The following CPA3 variants were observed in gnomAD, a reference collection of about 807,000 sequenced individuals.
CPA3 encodes the protein carboxypeptidase A3, also known as mast cell carboxypeptidase A.
A neutral mutation model predicts 55.8 loss-of-function variants in CPA3; 52 were observed. The ratio of observed to expected loss-of-function variants is 0.93; its 90% CI spans 0.75 to 1.17. The LOEUF is 1.17. Ranked by LOEUF, CPA3 falls within the 50% of genes most tolerant of loss-of-function variation. The probability of loss-of-function intolerance (pLI) is 0.00; values close to 1 mark genes in which losing one functional copy is unlikely to be tolerated. For synonymous variants in CPA3, 179 were observed against 171.2 expected (o/e 1.05, Z -0.36); for missense variants, 547 against 509.1 (o/e 1.07, Z -0.72).
chr3:148,874,628 C>G (rs74371725), intron 3 of CPA3, among the ~76,000 whole-genome samples: 2 of 152,120 alleles, frequency 1.3e-5, no homozygotes, highest in African/African-American at 4.8e-5. Flanking sequence ...CTTGTCAGTG[C>G]TGCTAATAGG....
chr3:148,868,816 C>G, intron 2 of CPA3, 99 bp from the exon 3 acceptor site: 2 of 1,371,348 alleles, frequency 1.5e-6, no homozygotes, highest in Non-Finnish European at 2.0e-6. Context: ...ATGCTGAGCC[C>G]CAAATTCCTT....
At chr3:148,875,824 T>C (rs73160789) in intron 3 of CPA3, among the ~76,000 whole-genome samples, 4,587 of 152,280 alleles carry the variant, frequency 0.03, 85 homozygotes, top group Middle Eastern at 0.051. Context: ...AATTTGATCA[T>C]ATAAATTGAT....
chr3:148,868,962 G>C lies in CPA3; in HGVS notation c.192G>C (p.Met64Ile), dbSNP rs1353232433. Reference sequence around the variant, plus strand: ...CCACCCACCACGTAGCTGCTAATATGATGGTGGATTTCCGAGTTAGTGAGA... The same window carrying C: ...CCACCCACCACGTAGCTGCTAATATCATGGTGGATTTCCGAGTTAGTGAGA... ...PGATHHVAANMMVDFRVSEKE... is the reference protein window; with the variant it reads ...PGATHHVAANIMVDFRVSEKE... The change falls in exon 3 of 11, where the codon ATG (methionine) becomes ATC (isoleucine). Residue 64 changes from methionine (M) to isoleucine (I), a missense_variant. Transcript: ENST00000296046. 1.2e-6 allele frequency: 2 copies of C among 1,614,072 alleles called. No homozygotes were observed. The highest frequency in any genetic ancestry group is 4.5e-5 in the East Asian group (2 of 44,876).
intron 2 of CPA3, among the ~76,000 whole-genome samples, chr3:148,867,581 G>T (rs1055957235): frequency 1.3e-5 from 2 of 152,226 alleles, no homozygotes; most frequent in African/African-American, 4.8e-5. Flanking sequence ...GTGATAAGAT[G>T]GCTCTGCCTA....
intron 6 of CPA3, 102 bp from the exon 7 acceptor site, chr3:148,881,420 T>G (rs1233344593): frequency 3.2e-6 from 2 of 632,248 alleles, no homozygotes; most frequent in Non-Finnish European, 5.6e-6. Flanking sequence ...TGAAAACATG[T>G]GACCTTGGGA....
chr3:148,882,415 T>C (rs1252785534), intron 7 of CPA3, 90 bp from the exon 8 acceptor site: 1 of 940,168 alleles, frequency 1.1e-6, no homozygotes, highest in Non-Finnish European at 1.6e-6. Context: ...TCAAATAAAG[T>C]TGCAGACACC....
Position 148,865,520 on chromosome 3 carries a change from T to A in CPA3, c.116T>A (p.Ile39Asn), listed in dbSNP as rs919394305. ...CCCCAGGATGAAAAACAAGCAGACA[T>A]CATAAAGGACTTGGCCAAAACCAAT... ...VKPQDEKQAD[I>N]IKDLAKTNEL... is the part of the protein sequence containing the mutation. Residue 39 changes from isoleucine to asparagine, a missense_variant, in exon 2 of 11, where the codon ATC (isoleucine) becomes AAC (asparagine). By Grantham distance (149) the Ile-to-Asn change is moderately radical. Transcript: ENST00000296046. 6.2e-7 allele frequency: 1 copy of A among 1,613,968 alleles called. No individual in the cohort carries two copies. The highest frequency in any genetic ancestry group is 1.3e-5 in the African/African-American group (1 of 74,990).
chr3:148,892,046 A>ACT (rs3836277), intron 10 of CPA3, among the ~76,000 whole-genome samples: 9 of 151,084 alleles, frequency 6.0e-5, no homozygotes, highest in African/African-American at 2.2e-4. Context: ...CCTGTTAATA[A>ACT]CTTCTTGCCA....
In CPA3 at chr3:148,889,663, A is replaced by T. The variant is rs530972244; in HGVS notation, c.1066+3486A>T. On this transcript the variant is annotated intron_variant, in intron 10 of 10. Coordinates refer to ENST00000296046, the MANE Select transcript of CPA3 (RefSeq NM_001870.4). ...GAGGAGGGCGGATCACAAGGTGAGG[A>T]GTTTGAGACCAGTCTGGCCAACATG... Among the ~76,000 whole-genome samples the T allele has an allele frequency of 1.8e-4, 27 of 152,120 alleles. No individual in the cohort carries two copies. In the East Asian group the frequency reaches 4.6e-3, roughly 26 times the overall value.
chr3:148,869,060 G>T (rs775032935), intron 3 of CPA3, 21 bp downstream of exon 3: 1 of 1,606,014 alleles, frequency 6.2e-7, no homozygotes, highest in South Asian at 1.1e-5. Flanking sequence ...GGCAAATATT[G>T]AAATTTGTTG....
chr3:148,886,852 A>T (rs751330752), intron 10 of CPA3, among the ~76,000 whole-genome samples: 1 of 152,224 alleles, frequency 6.6e-6, no homozygotes, highest in Non-Finnish European at 1.5e-5. Flanking sequence ...ATAGAAAATC[A>T]GTTTCAGCTC....
At chr3:148,877,029 T>A (rs1450041734) in intron 3 of CPA3, among the ~76,000 whole-genome samples, 1 of 152,338 alleles carries the variant, frequency 6.6e-6, no homozygotes, top group South Asian at 2.1e-4. Context: ...AAGCAGTACC[T>A]GGCCTGTATT....
intron 2 of CPA3, among the ~76,000 whole-genome samples, chr3:148,867,909 T>C (rs1713949079): frequency 6.6e-6 from 1 of 152,232 alleles, no homozygotes; most frequent in African/African-American, 2.4e-5. Flanking sequence ...TTTGTGTTTT[T>C]TCTGAGACAG....
chr3:148,869,473 CATTGGTATGTCAGAAATACAGCA>C (rs1453915558), intron 3 of CPA3, among the ~76,000 whole-genome samples: 10 of 151,896 alleles, frequency 6.6e-5, no homozygotes, highest in African/African-American at 1.9e-4. Context: ...AAAAAAAAGT[CATTGGTATGTCAGAAATACAGCA>C]ATTGGTATGT....
At chr3:148,895,552 C>A (rs922528811) in intron 10 of CPA3, among the ~76,000 whole-genome samples, 6 of 152,126 alleles carry the variant, frequency 3.9e-5, no homozygotes, top group Admixed American at 2.0e-4. Flanking sequence ...CTGAAGACAC[C>A]AGTGGCATCT....
intron 10 of CPA3, among the ~76,000 whole-genome samples, chr3:148,892,006 G>A (rs963198525): frequency 4.0e-5 from 6 of 151,556 alleles, no homozygotes; most frequent in African/African-American, 2.4e-5. Context: ...TTCAGCTCAC[G>A]TGCTCCATAA....
chr3:148,889,640 G>A (rs1280377365), intron 10 of CPA3, among the ~76,000 whole-genome samples: 1 of 152,034 alleles, frequency 6.6e-6, no homozygotes, highest in Non-Finnish European at 1.5e-5. Context: ...GGGAGGCTGA[G>A]GAGGGCGGAT....
At position 148,893,386 on chromosome 3, in the gene CPA3, A is replaced by G. The variant is rs535776506; in HGVS notation, c.1067-3134A>G. Among the ~76,000 whole-genome samples the G allele has an allele frequency of 5.9e-5, 9 of 152,306 alleles. No homozygotes were observed. The South Asian group carries it at 1.9e-3, about 32-fold the overall frequency. ...ACTAGAAAATGTAATAACTTGAACA[A>G]CAAAAAAACTGGAAGGGCTTAATAG... On this transcript the variant is annotated intron_variant, in intron 10 of 10. Transcript: ENST00000296046.
chr3:148,867,913 GAGAC>G (rs1713949171), intron 2 of CPA3, among the ~76,000 whole-genome samples: 1 of 152,146 alleles, frequency 6.6e-6, no homozygotes, highest in African/African-American at 2.4e-5. Flanking sequence ...TGTTTTTTCT[GAGAC>G]AGAGTTTTGC....
Sources: allele counts gnomAD v4.1 joint callset (sites outside exome capture counted in the v4.1 genomes callset), GRCh38; gene constraint gnomAD v4.1.1; transcripts MANE v1.5; gene names NCBI Gene and HGNC (gene_info 2026-07-23, HGNC 2026-07-21).